Variants in LGR4 observed in about 807,000 individuals in gnomAD.
LGR4 encodes the protein leucine-rich repeat-containing G protein-coupled receptor 4.
In LGR4, 44 loss-of-function variants were observed where a neutral mutation model predicts 84.8. That is an observed-to-expected ratio of 0.52 (90% CI 0.41 to 0.67). The LOEUF is 0.67. Among genes scored for constraint, LGR4 ranks in the 30% least tolerant of loss-of-function variants. The pLI, the probability that LGR4 is intolerant of heterozygous loss-of-function variation, is 0.00. For synonymous variants in LGR4, 429 were observed against 434.3 expected (o/e 0.99, Z 0.15); for missense variants, 1,032 against 1,131.4 (o/e 0.91, Z 1.26).
intron 1 of LGR4, among the ~76,000 whole-genome samples, chr11:27,418,081 A>C (rs1863854249): frequency 6.6e-6 from 1 of 152,226 alleles, no homozygotes; most frequent in African/African-American, 2.4e-5. Context: ...CATATGTGCA[A>C]GGTACTGTAC....
intron 2 of LGR4, among the ~76,000 whole-genome samples, chr11:27,393,800 A>G (rs1009865065): frequency 6.6e-6 from 1 of 152,056 alleles, no homozygotes; most frequent in Non-Finnish European, 1.5e-5. Context: ...TAAAATGTGA[A>G]GTCACTGTGG....
chr11:27,398,987 A>T (rs906020910), intron 2 of LGR4, among the ~76,000 whole-genome samples: 1 of 151,994 alleles, frequency 6.6e-6, no homozygotes, highest in African/African-American at 2.4e-5. Flanking sequence ...GCTCACTGCA[A>T]CTGCCGCCTC....
chr11:27,414,138 T>TA (rs1418317434), intron 1 of LGR4, among the ~76,000 whole-genome samples: 1 of 152,050 alleles, frequency 6.6e-6, no homozygotes, highest in Non-Finnish European at 1.5e-5. Context: ...TTACTGAGGT[T>TA]AAAAAAGCTT....
chr11:27,465,685 G>A (rs1366280175), intron 1 of LGR4, among the ~76,000 whole-genome samples: 3 of 152,160 alleles, frequency 2.0e-5, no homozygotes, highest in African/African-American at 7.2e-5. Context: ...AAAAAATCAC[G>A]ATCTGTCTCA....
At chr11:27,461,861 T>TC (rs1864689060) in intron 1 of LGR4, among the ~76,000 whole-genome samples, 1 of 147,396 alleles carries the variant, frequency 6.8e-6, no homozygotes, top group Non-Finnish European at 1.5e-5. Flanking sequence ...TTTTTTTTTT[T>TC]GAGGTGGAGT....
chr11:27,446,862 A>T (rs1261590144), intron 1 of LGR4, among the ~76,000 whole-genome samples: 1 of 152,194 alleles, frequency 6.6e-6, no homozygotes, highest in Non-Finnish European at 1.5e-5. Flanking sequence ...GCCATAAAAA[A>T]TGATGAGTTC....
intron 4 of LGR4, among the ~76,000 whole-genome samples, chr11:27,389,340 C>A (rs951461314): frequency 3.3e-5 from 5 of 152,194 alleles, no homozygotes; most frequent in Admixed American, 3.3e-4. Flanking sequence ...TACCTCCACT[C>A]CATACACTCA....
intron 3 of LGR4, among the ~76,000 whole-genome samples, chr11:27,391,390 A>C (rs1252771033): frequency 6.6e-6 from 1 of 152,108 alleles, no homozygotes. Flanking sequence ...CCATGCCCTA[A>C]TACAGACTTG....
rs149024202 is a variant in LGR4, at chr11:27,403,821, T to C, written c.257+8968A>G. ...TTGTTTTTTAAAAGTCCAGTTTATA[T>C]TAAGCATTTTTATAACTATGATTTT... On this transcript the variant is annotated intron_variant, in intron 2 of 17. Coordinates refer to ENST00000379214, the MANE Select transcript of LGR4 (RefSeq NM_018490.5). Among the ~76,000 whole-genome samples the C allele has an allele frequency of 4.7e-4, 72 of 152,344 alleles. No individual in the cohort carries two copies. In the East Asian group the frequency reaches 0.012, roughly 26 times the overall value.
intron 1 of LGR4, among the ~76,000 whole-genome samples, chr11:27,416,440 A>C (rs958848320): frequency 2.0e-5 from 3 of 152,204 alleles, no homozygotes; most frequent in African/African-American, 7.2e-5. Flanking sequence ...AAGTTCAACA[A>C]GAAAGAGCTG....
At chr11:27,381,297 G>A (rs1275309017) in intron 7 of LGR4, among the ~76,000 whole-genome samples, 1 of 152,116 alleles carries the variant, frequency 6.6e-6, no homozygotes, top group Non-Finnish European at 1.5e-5. Context: ...TTAGCCTCTT[G>A]GCAATGCATC....
Position 27,398,776 on chromosome 11 carries a change from G to A in LGR4, c.258-6258C>T, listed in dbSNP as rs567461665. On this transcript the variant is annotated intron_variant, in intron 2 of 17. Coordinates refer to ENST00000379214, the MANE Select transcript of LGR4 (RefSeq NM_018490.5). ...TTCCTACCTTCCCTTTGCAGAGGTG[G>A]TTACCAGATGGCCTGGCATTGGGCT... 4.6e-5 allele frequency among the ~76,000 whole-genome samples: 7 copies of A among 152,254 alleles called. No individual in the cohort carries two copies. In the East Asian group the frequency reaches 1.2e-3, roughly 25 times the overall value.
chr11:27,448,582 G>T (rs995824086), intron 1 of LGR4, among the ~76,000 whole-genome samples: 1 of 152,070 alleles, frequency 6.6e-6, no homozygotes, highest in Non-Finnish European at 1.5e-5. Context: ...GTGAGCCACC[G>T]CGCCCTGCCT....
Position 27,431,735 on chromosome 11 carries a change from G to A in LGR4, c.186-18875C>T, listed in dbSNP as rs1437440714. Among the ~76,000 whole-genome samples, 4 of 152,120 alleles carry A rather than the reference G, an allele frequency of 2.6e-5. No individual in the cohort carries two copies. The East Asian group carries it at 7.7e-4, about 29-fold the overall frequency. ...AAGAACTTACTAATCCGTGTAAGAT[G>A]ACCAATCTTCAAGAGCACTCCATCC... On this transcript the variant is annotated intron_variant, in intron 1 of 17. Coordinates refer to ENST00000379214, the MANE Select transcript of LGR4 (RefSeq NM_018490.5).
intron 2 of LGR4, among the ~76,000 whole-genome samples, chr11:27,409,573 C>A (rs144106009): frequency 1.0e-3 from 159 of 152,244 alleles, no homozygotes; most frequent in African/African-American, 3.7e-3. Flanking sequence ...TCATTCCTAT[C>A]ACTCCCCAAA....
At chr11:27,405,011 C>A (rs1863577711) in intron 2 of LGR4, among the ~76,000 whole-genome samples, 1 of 152,190 alleles carries the variant, frequency 6.6e-6, no homozygotes, top group African/African-American at 2.4e-5. Context: ...AGCTGGGTTT[C>A]TGTCTCTTAA....
chr11:27,460,683 C>T (rs560588506), intron 1 of LGR4, among the ~76,000 whole-genome samples: 15 of 152,322 alleles, frequency 9.8e-5, no homozygotes, highest in African/African-American at 3.6e-4. Flanking sequence ...TGCCAACCTA[C>T]CATGAAGAAT....
At chr11:27,417,342 A>G (rs1015089808) in intron 1 of LGR4, among the ~76,000 whole-genome samples, 9 of 152,150 alleles carry the variant, frequency 5.9e-5, no homozygotes, top group Non-Finnish European at 1.2e-4. Context: ...TTAGAAATAA[A>G]TAAAAAAAAC....
rs1329612369 is a variant in LGR4 at position 27,391,134 on chromosome 11, G to T, written c.361C>A (p.Pro121Thr). Residue 121 changes from proline to threonine, a missense_variant, in exon 4 of 18, where the codon CCC becomes ACC. Pro to Thr is a conservative substitution (Grantham distance 38, BLOSUM62 -1). Transcript: ENST00000379214. ...TLQNNQLKTV[P>T]SEAIRGLSAL... Reference sequence around the variant, plus strand: ...CTCAGCCCTCGAATGGCTTCACTGGGTACTGTTTTCAACTGATTATTCTGG... The same window carrying T: ...CTCAGCCCTCGAATGGCTTCACTGGTTACTGTTTTCAACTGATTATTCTGG... 7 of 1,609,762 alleles carry T rather than the reference G, an allele frequency of 4.3e-6. No individual in the cohort carries two copies. The South Asian group carries it at 7.8e-5, about 18-fold the overall frequency.
Sources: gnomAD v4.1 joint callset for allele counts (sites outside exome capture counted in the v4.1 genomes callset) on GRCh38, gnomAD v4.1.1 for gene constraint, MANE v1.5 for transcripts, NCBI Gene and HGNC (gene_info 2026-07-23, HGNC 2026-07-21) for gene names.